The following LRIG3 variants were observed in gnomAD, a reference collection of about 807,000 sequenced individuals.
The protein encoded by LRIG3 is leucine rich repeats and immunoglobulin like domains 3, also known as leucine-rich repeats and immunoglobulin-like domains protein 3.
Under a neutral mutation model 114.5 loss-of-function variants are expected in LRIG3, and 76 were observed. The observed-to-expected ratio is 0.66, with a 90% CI of 0.55 to 0.80. The LOEUF is 0.80. Among genes scored for constraint, LRIG3 ranks in the 30% least tolerant of loss-of-function variants. The probability of loss-of-function intolerance (pLI) is 0.00; values close to 1 mark genes in which losing one functional copy is unlikely to be tolerated. For synonymous variants in LRIG3, 512 were observed against 519.8 expected (o/e 0.98, Z 0.20); for missense variants, 1,239 against 1,382.8 (o/e 0.90, Z 1.65).
intron 3 of LRIG3, among the ~76,000 whole-genome samples, chr12:58,903,284 C>T (rs1220101960): frequency 1.3e-5 from 2 of 152,296 alleles, no homozygotes; most frequent in South Asian, 2.1e-4. Context: ...GAGATGGTAT[C>T]TCATTGTGGT....
intron 3 of LRIG3, among the ~76,000 whole-genome samples, chr12:58,891,069 G>A (rs1159970129): frequency 6.6e-6 from 1 of 151,576 alleles, no homozygotes; most frequent in African/African-American, 2.4e-5. Context: ...TAAAGACAGT[G>A]GTTTGATTTT....
intron 3 of LRIG3, among the ~76,000 whole-genome samples, chr12:58,911,953 G>C (rs535104543): frequency 1.1e-4 from 17 of 152,282 alleles, no homozygotes; most frequent in African/African-American, 3.6e-4. Flanking sequence ...TCTTCGCAGA[G>C]TCTATGTAAT....
intron 1 of LRIG3, among the ~76,000 whole-genome samples, chr12:58,918,621 C>G (rs1872559883): frequency 6.6e-6 from 1 of 152,170 alleles, no homozygotes; most frequent in South Asian, 2.1e-4. Context: ...TTTACATGTT[C>G]AGTTCCATAT....
chr12:58,900,012 A>G (rs999818572), intron 3 of LRIG3, among the ~76,000 whole-genome samples: 1 of 152,086 alleles, frequency 6.6e-6, no homozygotes, highest in South Asian at 2.1e-4. Flanking sequence ...ATTTCAGAAG[A>G]TGTTGCCCCC....
Position 58,883,556 on chromosome 12 carries a change from C to A in LRIG3, c.1280G>T (p.Gly427Val). Residue 427 changes from glycine (G) to valine (V), a missense_variant, in exon 11 of 19, where the codon GGC becomes GTC. Gly to Val is a moderately radical substitution (Grantham distance 109). Transcript: ENST00000320743. ...TTTCTTCATTTGTGAAAATGCATTG[C>A]CTTGTAAAGACATGATTGCGTTGTC... ...LSDNAIMSLQGNAFSQMKKLQ... is the reference protein window; with the variant it reads ...LSDNAIMSLQVNAFSQMKKLQ... 1 of 1,549,218 alleles carries A rather than the reference C, an allele frequency of 6.5e-7. No homozygotes were observed.
chr12:58,915,517 G>T (rs963314778), intron 1 of LRIG3, among the ~76,000 whole-genome samples: 4 of 151,882 alleles, frequency 2.6e-5, no homozygotes, highest in African/African-American at 9.7e-5. Context: ...TTGAGTTTCT[G>T]TTTTGAGAAT....
chr12:58,901,399 GGT>G (rs1871843732), intron 3 of LRIG3, among the ~76,000 whole-genome samples: 1 of 152,172 alleles, frequency 6.6e-6, no homozygotes, highest in African/African-American at 2.4e-5. Context: ...ATGCCAGACA[GGT>G]GTGTGATGGA....
At chr12:58,898,948 C>T (rs186766899) in intron 3 of LRIG3, among the ~76,000 whole-genome samples, 21 of 152,336 alleles carry the variant, frequency 1.4e-4, no homozygotes, top group Admixed American at 9.1e-4. Context: ...GGAGCCACCA[C>T]GCCCAGCCTC....
chr12:58,880,753 A>G lies in LRIG3; in HGVS notation c.1629T>C (p.Asp543=). Residue 543 remains aspartate, a synonymous_variant, in exon 13 of 19, where the codon GAT becomes GAC. Coordinates refer to ENST00000320743, the MANE Select transcript of LRIG3 (RefSeq NM_153377.5). Reference sequence around the variant, plus strand: ...GGTGTGCATAATTTTCCATTTCAGCATCATGCAGTAGTTCATTGTCTTTTT... The same window carrying G: ...GGTGTGCATAATTTTCCATTTCAGCGTCATGCAGTAGTTCATTGTCTTTTT... ...AWKKDNELLH[D]AEMENYAHLR... The G allele has an allele frequency of 6.2e-7, 1 of 1,614,220 alleles. No individual in the cohort carries two copies. The highest frequency in any genetic ancestry group is 8.5e-7 in the Non-Finnish European group (1 of 1,180,050).
chr12:58,914,087 A>G, intron 2 of LRIG3, 31 bp from the exon 3 acceptor site: 1 of 1,584,080 alleles, frequency 6.3e-7, no homozygotes, highest in Non-Finnish European at 8.6e-7. Context: ...AAGAAAAAGA[A>G]AAGCTGATTA....
rs755845136 is a variant in LRIG3 at position 58,887,778 on chromosome 12, G to T, written c.1091+11C>A. 5.0e-6 allele frequency: 8 copies of T among 1,611,980 alleles called. No individual in the cohort carries two copies. Among genetic ancestry groups the T allele is most frequent in the Non-Finnish European group, 5.9e-6 (7 of 1,178,910 alleles). On this transcript the variant is annotated intron_variant, in intron 8 of 18. Transcript: ENST00000320743. ...TACGTTCGAGTACTGACAGCAAAAC[G>T]TGTAACTTACAAAGTCTTTAAACTG...
intron 3 of LRIG3, among the ~76,000 whole-genome samples, chr12:58,903,163 T>C (rs1028496118): frequency 6.6e-6 from 1 of 152,152 alleles, no homozygotes; most frequent in Non-Finnish European, 1.5e-5. Context: ...TCCACTAGAG[T>C]TGAACTAGTT....
chr12:58,886,808 A>T lies in LRIG3; in HGVS notation c.1172+2T>A, dbSNP rs768716699. On this transcript the variant is annotated splice_donor_variant, in intron 9 of 18. Coordinates refer to ENST00000320743, the MANE Select transcript of LRIG3 (RefSeq NM_153377.5). LOFTEE classifies it high-confidence loss of function. ...CTAAATTATGAGGCAATTCATACTC[A>T]CAGTCGCCTCAGTTTGTCAAGCCCA... The T allele has an allele frequency of 4.3e-6, 7 of 1,612,632 alleles. No individual in the cohort carries two copies. The highest frequency in any genetic ancestry group is 5.9e-6 in the Non-Finnish European group (7 of 1,178,922).
chr12:58,896,980 C>T (rs966575879), intron 3 of LRIG3, among the ~76,000 whole-genome samples: 2 of 152,164 alleles, frequency 1.3e-5, no homozygotes, highest in African/African-American at 4.8e-5. Flanking sequence ...CAATAACCCC[C>T]ACTCCCTCCG....
chr12:58,894,011 T>C (rs1342533730), intron 3 of LRIG3, among the ~76,000 whole-genome samples: 1 of 152,174 alleles, frequency 6.6e-6, no homozygotes, highest in Non-Finnish European at 1.5e-5. Flanking sequence ...ATCACGTTGG[T>C]CAAATAAGGC....
At chr12:58,912,557 T>G (rs1363131917) in intron 3 of LRIG3, among the ~76,000 whole-genome samples, 1 of 152,196 alleles carries the variant, frequency 6.6e-6, no homozygotes, top group Non-Finnish European at 1.5e-5. Flanking sequence ...CACAAGTTCT[T>G]AATGCTCTCA....
rs576240668 is a variant in LRIG3, at chr12:58,877,322, A to G, written c.2536+78T>C. On this transcript the variant is annotated intron_variant, in intron 15 of 18. Transcript: ENST00000320743. ...TTCTGAGATGAACTCAGACTGCAAG[A>G]CACACGTTCTAGAAGTATTTGCAGA... 2.8e-6 allele frequency: 4 copies of G among 1,420,092 alleles called. No homozygotes were observed. The South Asian group carries it at 5.1e-5, about 18-fold the overall frequency. 88.0% of individuals were successfully genotyped at this position (1,420,092 alleles called of 1,614,324 possible). A position where few individuals can be genotyped will look rare whatever the true frequency, so the allele number is the denominator to read the frequency against.
Position 58,894,502 on chromosome 12 carries a change from A to G in LRIG3, c.384-3706T>C, listed in dbSNP as rs149735151. On this transcript the variant is annotated intron_variant, in intron 3 of 18. Transcript: ENST00000320743. The stretch of plus-strand genomic sequence containing the variant: ...GAGACAACTACCTTAAAAAAGCTAG[A>G]TTAAAAAATCTTTTTTATCATCTAG... Among the ~76,000 whole-genome samples the G allele has an allele frequency of 7.9e-5, 12 of 152,298 alleles. No individual in the cohort carries two copies. In the East Asian group the frequency reaches 2.1e-3, roughly 27 times the overall value.
intron 3 of LRIG3, among the ~76,000 whole-genome samples, chr12:58,893,632 T>C (rs1871528937): frequency 6.6e-6 from 1 of 152,178 alleles, no homozygotes; most frequent in African/African-American, 2.4e-5. Context: ...CGGAGATGGA[T>C]TCCATCCAGG....
Sources: gnomAD v4.1 joint callset for allele counts (sites outside exome capture counted in the v4.1 genomes callset) on GRCh38, gnomAD v4.1.1 for gene constraint, MANE v1.5 for transcripts, NCBI Gene and HGNC (gene_info 2026-07-23, HGNC 2026-07-21) for gene names.